RASEF: variants seen among roughly 807,000 people sequenced by gnomAD.
RASEF encodes the protein ras and EF-hand domain-containing protein.
A neutral mutation model predicts 90.1 loss-of-function variants in RASEF; 68 were observed. The ratio of observed to expected loss-of-function variants is 0.75; its 90% CI spans 0.62 to 0.92. RASEF has a LOEUF of 0.92. Ranked by LOEUF, RASEF falls within the 40% of genes least tolerant of loss-of-function variation. RASEF has a pLI of 0.00. For synonymous variants in RASEF, 331 were observed against 345.2 expected, an observed-to-expected ratio of 0.96 and a Z score of 0.46; for missense variants, 949 against 937.2, an observed-to-expected ratio of 1.01 and a Z score of -0.16.
the RASEF span, among the ~76,000 whole-genome samples, chr9:83,166,972 T>C: frequency 1.3e-5 from 2 of 152,170 alleles, no homozygotes; most frequent in African/African-American, 2.4e-5. Flanking sequence ...TTAAAAGCAA[T>C]AGGGCCTGGT....
intron 1 of RASEF, among the ~76,000 whole-genome samples, chr9:83,046,084 TA>T (rs1829924947): frequency 6.6e-6 from 1 of 152,172 alleles, no homozygotes; most frequent in Non-Finnish European, 1.5e-5. Flanking sequence ...TTTTTCAGAT[TA>T]TTTTTTAACT....
At chr9:83,218,632 GGT>G in the RASEF span, among the ~76,000 whole-genome samples, 1 of 152,140 alleles carries the variant, frequency 6.6e-6, no homozygotes, top group Non-Finnish European at 1.5e-5. Context: ...CCTCCAGCCA[GGT>G]GTGTCTCTCT....
the RASEF span, among the ~76,000 whole-genome samples, chr9:83,139,664 C>T: frequency 2.6e-5 from 4 of 151,818 alleles, no homozygotes; most frequent in South Asian, 4.2e-4. Flanking sequence ...GTGGCAGAGG[C>T]GGAAGAAAAT....
At chr9:83,201,952 T>C in the RASEF span, 23 of 153,028 alleles carry the variant, frequency 1.5e-4, no homozygotes, top group African/African-American at 5.3e-4. Context: ...CACTGCATCA[T>C]GCAGATGATT....
the RASEF span, among the ~76,000 whole-genome samples, chr9:83,190,053 C>A: frequency 3.9e-5 from 6 of 152,106 alleles, no homozygotes; most frequent in African/African-American, 1.4e-4. Flanking sequence ...CCCTGCAGTC[C>A]GGATTAATTA....
At chr9:83,096,705 T>C in the RASEF span, among the ~76,000 whole-genome samples, 1 of 152,072 alleles carries the variant, frequency 6.6e-6, no homozygotes, top group Non-Finnish European at 1.5e-5. Context: ...TATGTATACA[T>C]GTGCCATGTT....
At chr9:82,996,367 T>A (rs1828918975) in intron 14 of RASEF, among the ~76,000 whole-genome samples, 3 of 152,162 alleles carry the variant, frequency 2.0e-5, no homozygotes, top group Admixed American at 2.0e-4. Context: ...CTAAATGGGG[T>A]CAAAATCATT....
the RASEF span, among the ~76,000 whole-genome samples, chr9:83,199,802 G>C: frequency 1.3e-5 from 2 of 152,172 alleles, no homozygotes; most frequent in South Asian, 2.1e-4. Context: ...AGGCAGGAGA[G>C]GAGAGCAGAG....
At chr9:83,196,996 T>C in the RASEF span, among the ~76,000 whole-genome samples, 20 of 152,214 alleles carry the variant, frequency 1.3e-4, no homozygotes, top group African/African-American at 4.6e-4. Context: ...TCTTCTTCTG[T>C]ACTGGTGGCC....
the RASEF span, among the ~76,000 whole-genome samples, chr9:83,203,715 T>G: frequency 6.6e-6 from 1 of 151,386 alleles, no homozygotes; most frequent in Non-Finnish European, 1.5e-5. Context: ...ATCTGAAGAG[T>G]GAGTATCACT....
the RASEF span, among the ~76,000 whole-genome samples, chr9:83,157,881 T>G: frequency 1.3e-5 from 2 of 152,190 alleles, no homozygotes; most frequent in African/African-American, 4.8e-5. Context: ...CAGTGACTAC[T>G]TGAAAACCAG....
the RASEF span, among the ~76,000 whole-genome samples, chr9:83,120,002 C>T: frequency 1.1e-3 from 161 of 152,324 alleles, no homozygotes; most frequent in African/African-American, 3.8e-3. Context: ...TGTAATATTT[C>T]ACAACACATC....
chr9:83,129,398 C>T, the RASEF span, among the ~76,000 whole-genome samples: 1 of 144,596 alleles, frequency 6.9e-6, no homozygotes, highest in Admixed American at 6.8e-5. Flanking sequence ...CAGAACAAGA[C>T]TCCACCTCAA....
chr9:82,995,983 G>T (rs1051673703), intron 14 of RASEF, among the ~76,000 whole-genome samples: 1 of 152,140 alleles, frequency 6.6e-6, no homozygotes, highest in Non-Finnish European at 1.5e-5. Flanking sequence ...GAAATTTTGT[G>T]AAGTAAAAAT....
chr9:83,064,945 T>G (rs1029650636), upstream of RASEF, among the ~76,000 whole-genome samples: 3 of 152,060 alleles, frequency 2.0e-5, no homozygotes, highest in Admixed American at 6.6e-5. Flanking sequence ...GCGGGCACCT[T>G]TAGTCCCAGC....
the RASEF span, among the ~76,000 whole-genome samples, chr9:83,114,815 G>C: frequency 6.6e-6 from 1 of 152,152 alleles, no homozygotes; most frequent in Non-Finnish European, 1.5e-5. Flanking sequence ...CAGTGACAAT[G>C]TGTGCCTGAA....
chr9:83,004,485 C>G lies in RASEF; in HGVS notation c.1202+13G>C, dbSNP rs756757291. 4 of 1,518,454 alleles carry G rather than the reference C, an allele frequency of 2.6e-6. No individual in the cohort carries two copies. The highest frequency in any genetic ancestry group is 1.1e-5 in the South Asian group (1 of 88,504). The allele number at this position is 1,518,454 out of a possible 1,614,324, so 94.1% of individuals were successfully genotyped here. A position where few individuals can be genotyped will look rare whatever the true frequency, so the allele number is the denominator to read the frequency against. On this transcript the variant is annotated intron_variant, in intron 9 of 16. Coordinates refer to ENST00000376447, the MANE Select transcript of RASEF (RefSeq NM_152573.4). ...TCTGAACTTGAACAGAAAGTTAAGA[C>G]GAGTTAACATACCTGTCATAGCCTA...
At position 83,058,813 on chromosome 9, in the gene RASEF, G is replaced by T. The variant is rs988914309; in HGVS notation, c.431+3624C>A. 2.6e-5 allele frequency among the ~76,000 whole-genome samples: 4 copies of T among 152,094 alleles called. No homozygotes were observed. The South Asian group carries it at 6.2e-4, about 24-fold the overall frequency. ...ATACAATTCACATATGGAAAGTTTT[G>T]GTTCCTCTCAATTAAATTTGTTTTT... is the stretch of plus-strand genomic sequence containing the variant. On this transcript the variant is annotated intron_variant, in intron 1 of 16. Coordinates refer to ENST00000376447, the MANE Select transcript of RASEF (RefSeq NM_152573.4).
the RASEF span, among the ~76,000 whole-genome samples, chr9:83,122,790 A>G: frequency 3.9e-5 from 6 of 152,230 alleles, no homozygotes; most frequent in Non-Finnish European, 8.8e-5. Context: ...TATAGCCTAA[A>G]TAATGTTATT....
Sources: gnomAD v4.1 joint callset for allele counts (sites outside exome capture counted in the v4.1 genomes callset) on GRCh38, gnomAD v4.1.1 for gene constraint, MANE v1.5 for transcripts, NCBI Gene and HGNC (gene_info 2026-07-23, HGNC 2026-07-21) for gene names.